The following ABI3BP variants were observed in gnomAD, a reference collection of about 807,000 sequenced individuals.
ABI3BP encodes target of Nesh-SH3.
In ABI3BP, 216 loss-of-function variants were observed where a neutral mutation model predicts 268.6. The ratio of observed to expected loss-of-function variants is 0.80; its 90% CI spans 0.72 to 0.90. The LOEUF (loss-of-function observed/expected upper bound fraction) is 0.90, where lower values mean the gene tolerates loss of function less well. ABI3BP is among the 40% of genes least tolerant of loss of function. ABI3BP has a pLI of 0.00. For missense variants in ABI3BP, 2,090 were observed against 2,182.4 expected (o/e 0.96, Z 0.84); for synonymous variants, 730 against 730.0 (o/e 1.00, Z 0.00).
At chr3:100,951,304 G>T (rs2074883509) in intron 1 of ABI3BP, among the ~76,000 whole-genome samples, 1 of 151,794 alleles carries the variant, frequency 6.6e-6, no homozygotes, top group South Asian at 2.1e-4. Flanking sequence ...TGACACAGTG[G>T]TATCCTAATT....
In ABI3BP at chr3:100,770,774, G is replaced by T. The variant is rs2096524965; in HGVS notation, c.4710C>A (p.Asp1570Glu). Residue 1570 changes from aspartate (D) to glutamate (E), a missense_variant, in exon 62 of 68, where the codon GAC becomes GAA. Physicochemically the swap from Asp to Glu is conservative, Grantham distance 45. Transcript: ENST00000471714. Reference protein sequence around the residue: ...VEGCPSFVILDWEKPLNDTVT... With the variant: ...VEGCPSFVILEWEKPLNDTVT... The stretch of plus-strand genomic sequence containing the variant: ...CAGTGTCATTTAGTGGCTTTTCCCA[G>T]TCCAAGATGACAAATGAGGGGCACC... 1.9e-6 allele frequency: 3 copies of T among 1,549,424 alleles called. No individual in the cohort carries two copies. The highest frequency in any genetic ancestry group is 4.7e-5 in the East Asian group (2 of 42,208).
chr3:100,904,629 G>A (rs944376126), intron 2 of ABI3BP, among the ~76,000 whole-genome samples: 7 of 152,150 alleles, frequency 4.6e-5, no homozygotes, highest in Non-Finnish European at 1.0e-4. Flanking sequence ...TGCTTTAGAT[G>A]CAGAAAAAAG....
intron 58 of ABI3BP, chr3:100,778,768 G>C (rs1157124823): frequency 5.5e-6 from 1 of 181,580 alleles, no homozygotes; most frequent in African/African-American, 2.4e-5. Context: ...ATTGCATTAG[G>C]TATTATAATG....
At position 100,850,053 on chromosome 3, in the gene ABI3BP, G is replaced by A. The variant is rs199845098; in HGVS notation, c.1493C>T (p.Thr498Met). ...TAAATGTCATTAGTTACCAGGTGTC[G>A]TAGGCTGCATTTCTGGACTGGTAAA... Reference protein sequence around the residue: ...EIFTSPEMQPTTPAPQQTTSI... With the variant: ...EIFTSPEMQPMTPAPQQTTSI... Residue 498 changes from threonine to methionine, a missense_variant, in exon 17 of 68, where the codon ACG becomes ATG. By Grantham distance (81) the Thr-to-Met change is moderately conservative (BLOSUM62 -1). Transcript: ENST00000471714. 389 of 1,610,992 alleles carry A rather than the reference G, an allele frequency of 2.4e-4. No homozygotes were observed. The African/African-American group carries it at 2.5e-3, about 11-fold the overall frequency.
intron 6 of ABI3BP, among the ~76,000 whole-genome samples, chr3:100,881,616 C>T (rs1465172576): frequency 6.6e-6 from 1 of 151,120 alleles, no homozygotes; most frequent in African/African-American, 2.4e-5. Context: ...AATAATAAAA[C>T]CTAATAGTAA....
intron 1 of ABI3BP, among the ~76,000 whole-genome samples, chr3:100,984,600 T>G (rs886269699): frequency 6.6e-5 from 10 of 152,148 alleles, no homozygotes; most frequent in Admixed American, 6.5e-4. Context: ...TAAATGTTCA[T>G]CAAAATCACT....
In ABI3BP at chr3:100,919,160, T is replaced by A. The variant is rs1394408260; in HGVS notation, c.259+7142A>T. Among the ~76,000 whole-genome samples, 9 of 152,038 alleles carry A rather than the reference T, an allele frequency of 5.9e-5. No homozygotes were observed. The East Asian group carries it at 1.7e-3, about 29-fold the overall frequency. ...TTTCCTTCTATTGGTTTATCCTGTTTCTTTTTTTCATAAGTTATTTTTTTC... is the reference window on the plus strand; with the variant it reads ...TTTCCTTCTATTGGTTTATCCTGTTACTTTTTTTCATAAGTTATTTTTTTC... On this transcript the variant is annotated intron_variant, in intron 2 of 67. Coordinates refer to ENST00000471714, the MANE Select transcript of ABI3BP (RefSeq NM_001375547.2).
intron 49 of ABI3BP, among the ~76,000 whole-genome samples, chr3:100,809,108 T>C (rs1000827694): frequency 5.3e-5 from 8 of 152,012 alleles, no homozygotes; most frequent in Non-Finnish European, 8.8e-5. Flanking sequence ...AGGTATACAA[T>C]GGTTTCAGTG....
intron 61 of ABI3BP, among the ~76,000 whole-genome samples, chr3:100,772,103 A>C (rs751322763): frequency 2.0e-5 from 3 of 152,218 alleles, no homozygotes; most frequent in Non-Finnish European, 2.9e-5. Context: ...TTGAAACAGC[A>C]TCTTCAATTA....
At chr3:100,938,777 C>T (rs975399689) in intron 1 of ABI3BP, among the ~76,000 whole-genome samples, 53 of 152,112 alleles carry the variant, frequency 3.5e-4, no homozygotes, top group East Asian at 3.9e-4. Context: ...AACAGCAAGA[C>T]GCTTACATGA....
intron 1 of ABI3BP, 151 bp downstream of exon 1, chr3:100,993,155 T>C (rs2093214777): frequency 1.8e-6 from 1 of 553,174 alleles, no homozygotes; most frequent in Non-Finnish European, 3.1e-6. Flanking sequence ...AAGTAAAAGT[T>C]TAAGAGACCC....
intron 63 of ABI3BP, among the ~76,000 whole-genome samples, chr3:100,764,979 A>G (rs1045215032): frequency 3.3e-5 from 5 of 152,166 alleles, no homozygotes; most frequent in Admixed American, 6.5e-5. Flanking sequence ...AGTGAATTAG[A>G]TGGTCCTCCC....
At chr3:100,862,285 T>C (rs754984462) in intron 14 of ABI3BP, 26 bp downstream of exon 14, 113 of 1,497,226 alleles carry the variant, frequency 7.5e-5, no homozygotes, top group Non-Finnish European at 4.1e-5. Context: ...TTATAATCGA[T>C]TTTTTTAAGA....
At chr3:100,904,646 G>A (rs72928371) in intron 2 of ABI3BP, among the ~76,000 whole-genome samples, 1,702 of 152,210 alleles carry the variant, frequency 0.011, 29 homozygotes, top group African/African-American at 0.038. Flanking sequence ...AAAGGCAATG[G>A]CACTTTAAGA....
In ABI3BP at chr3:100,829,648, T is replaced by G. The variant is rs1335996574; in HGVS notation, c.2475A>C (p.Gln825His). 3 of 1,535,598 alleles carry G rather than the reference T, an allele frequency of 2.0e-6. No homozygotes were observed. In the East Asian group the frequency reaches 7.3e-5, roughly 38 times the overall value. The change falls in exon 33 of 68, where the codon CAA becomes CAC. Residue 825 changes from glutamine (Q) to histidine (H), a missense_variant. Transcript: ENST00000471714. ...GTTTGGGATGTGGACGATGAGTTCGTTGAGGCACTTTGGGAGCTAAAGGAA... is the reference window on the plus strand; with the variant it reads ...GTTTGGGATGTGGACGATGAGTTCGGTGAGGCACTTTGGGAGCTAAAGGAA... ...SGTTAAPKVP[Q>H]RTHRPHPKPK... is the part of the protein sequence containing the mutation.
At position 100,874,624 on chromosome 3, in the gene ABI3BP, A is replaced by G. The variant is rs138997498; in HGVS notation, c.910+217T>C. Among the ~76,000 whole-genome samples the G allele has an allele frequency of 1.5e-4, 23 of 152,290 alleles. No individual in the cohort carries two copies. The East Asian group carries it at 4.2e-3, about 28-fold the overall frequency. On this transcript the variant is annotated intron_variant, in intron 9 of 67. Coordinates refer to ENST00000471714, the MANE Select transcript of ABI3BP (RefSeq NM_001375547.2). ...AAACATTCACTCTCATTTCATACATATAAATATACCTTATATAAATATGTA... is the reference window on the plus strand; with the variant it reads ...AAACATTCACTCTCATTTCATACATGTAAATATACCTTATATAAATATGTA...
intron 3 of ABI3BP, among the ~76,000 whole-genome samples, chr3:100,902,224 A>T (rs926318848): frequency 6.6e-6 from 1 of 152,234 alleles, no homozygotes; most frequent in Non-Finnish European, 1.5e-5. Context: ...TCTGAAAGGC[A>T]CAATAGTGAG....
intron 51 of ABI3BP, among the ~76,000 whole-genome samples, chr3:100,798,061 T>C (rs73152416): frequency 0.14 from 21,021 of 152,010 alleles, 1,884 homozygotes; most frequent in South Asian, 0.27. Flanking sequence ...TTATAAATAC[T>C]CTAATTAGTT....
intron 44 of ABI3BP, among the ~76,000 whole-genome samples, chr3:100,815,606 C>T (rs2098012721): frequency 6.6e-6 from 1 of 152,012 alleles, no homozygotes. Flanking sequence ...GATCTAAATA[C>T]CAAATGGAAG....
Sources: gnomAD v4.1 joint callset for allele counts (sites outside exome capture counted in the v4.1 genomes callset) on GRCh38, gnomAD v4.1.1 for gene constraint, MANE v1.5 for transcripts, NCBI Gene and HGNC (gene_info 2026-07-23, HGNC 2026-07-21) for gene names.